CNTNAP5: variants seen among roughly 807,000 people sequenced by gnomAD.
CNTNAP5 encodes contactin associated protein family member 5.
In CNTNAP5, 72 loss-of-function variants were observed where a neutral mutation model predicts 150.2. The ratio of observed to expected loss-of-function variants is 0.48; its 90% CI spans 0.40 to 0.58. The LOEUF (loss-of-function observed/expected upper bound fraction) is 0.58. Ranked by LOEUF, CNTNAP5 falls within the 20% of genes least tolerant of loss-of-function variation. The pLI, the probability that CNTNAP5 is intolerant of heterozygous loss-of-function variation, is 0.00. For synonymous variants in CNTNAP5, 672 were observed against 619.8 expected, an observed-to-expected ratio of 1.08 and a Z score of -1.25; for missense variants, 1,636 against 1,626.2, an observed-to-expected ratio of 1.01 and a Z score of -0.10.
rs183689757 is a variant in CNTNAP5, at chr2:124,431,178, G to C, written c.530-3306G>C. Among the ~76,000 whole-genome samples, 4 of 152,240 alleles carry C rather than the reference G, an allele frequency of 2.6e-5. No individual in the cohort carries two copies. The East Asian group carries it at 7.7e-4, about 29-fold the overall frequency. On this transcript the variant is annotated intron_variant, in intron 4 of 23. Transcript: ENST00000682447. ...ACAACGTGGAGATGTGTTTTCTTAA[G>C]AGATAACCTATGTCCCTTTGCCATC...
chr2:124,723,474 T>TCAAA (rs1680091067), intron 13 of CNTNAP5, among the ~76,000 whole-genome samples: 2 of 152,180 alleles, frequency 1.3e-5, no homozygotes, highest in Non-Finnish European at 2.9e-5. Context: ...GTCTAGCCTT[T>TCAAA]GCATATTACC....
intron 1 of CNTNAP5, among the ~76,000 whole-genome samples, chr2:124,174,705 A>C (rs1685019540): frequency 6.6e-6 from 1 of 152,230 alleles, no homozygotes; most frequent in Non-Finnish European, 1.5e-5. Flanking sequence ...AATGACAGCA[A>C]AGAATTTAGA....
intron 1 of CNTNAP5, among the ~76,000 whole-genome samples, chr2:124,087,570 A>C (rs1682720129): frequency 6.6e-6 from 1 of 151,774 alleles, no homozygotes; most frequent in Admixed American, 6.6e-5. Context: ...AAAAATACAA[A>C]AATTAGCTGG....
At chr2:124,660,943 C>CAAA (rs34511096) in intron 13 of CNTNAP5, among the ~76,000 whole-genome samples, 1 of 104,158 alleles carries the variant, frequency 9.6e-6, no homozygotes, top group African/African-American at 3.6e-5. Context: ...GACTGGGTCT[C>CAAA]AAAAAAAAAA....
At chr2:124,836,891 G>T (rs1402996142) in intron 19 of CNTNAP5, among the ~76,000 whole-genome samples, 1 of 152,082 alleles carries the variant, frequency 6.6e-6, no homozygotes, top group Non-Finnish European at 1.5e-5. Flanking sequence ...TTGCAAATAT[G>T]AATTGCGAAT....
chr2:124,868,079 G>A (rs1281197339), intron 20 of CNTNAP5, among the ~76,000 whole-genome samples: 1 of 151,946 alleles, frequency 6.6e-6, no homozygotes, highest in Non-Finnish European at 1.5e-5. Context: ...AGCCACCCTT[G>A]CCCTTTGCTT....
At chr2:124,795,437 T>C (rs1054448480) in intron 18 of CNTNAP5, among the ~76,000 whole-genome samples, 1 of 152,184 alleles carries the variant, frequency 6.6e-6, no homozygotes, top group African/African-American at 2.4e-5. Flanking sequence ...TGGAAAATAT[T>C]GTCTCTGTCG....
chr2:124,914,278 A>G lies in CNTNAP5; in HGVS notation c.3914A>G (p.Tyr1305Cys). 6.2e-7 allele frequency: 1 copy of G among 1,609,992 alleles called. No homozygotes were observed. The highest frequency in any genetic ancestry group is 8.5e-7 in the Non-Finnish European group (1 of 1,177,296). The change falls in exon 24 of 24, where the codon TAT becomes TGT. Residue 1305 changes from tyrosine to cysteine, a missense_variant. Transcript: ENST00000682447. The stretch of plus-strand genomic sequence containing the variant: ...ACAGTGAGCGAGTGTAAACGGGAAT[A>G]TTTCATCTGAGAAACTGCAGGGTTC... ...QNTVSECKRE[Y>C]FI
At chr2:124,733,170 C>T (rs959582220) in intron 13 of CNTNAP5, among the ~76,000 whole-genome samples, 2 of 151,950 alleles carry the variant, frequency 1.3e-5, no homozygotes, top group Non-Finnish European at 2.9e-5. Context: ...ACACATAGCA[C>T]AGTAGGTAAT....
intron 12 of CNTNAP5, among the ~76,000 whole-genome samples, chr2:124,619,384 T>C (rs199927050): frequency 4.6e-5 from 7 of 152,122 alleles, no homozygotes; most frequent in Admixed American, 2.0e-4. Context: ...CAGTAACTAA[T>C]TGAAATCCGT....
intron 13 of CNTNAP5, among the ~76,000 whole-genome samples, chr2:124,698,673 G>A (rs1357206886): frequency 1.3e-5 from 2 of 152,064 alleles, no homozygotes; most frequent in African/African-American, 4.8e-5. Context: ...GTCGACACTG[G>A]CATTCCCATT....
chr2:124,316,958 T>C lies in CNTNAP5; in HGVS notation c.381+74565T>C, dbSNP rs946523828. ...AAAAACTGTATGAGGTAGGTACAGC[T>C]ACTCAATTTTATATCTGAAACTCAG... On this transcript the variant is annotated intron_variant, in intron 3 of 23. Transcript: ENST00000682447. 6.6e-5 allele frequency among the ~76,000 whole-genome samples: 10 copies of C among 152,118 alleles called. No individual in the cohort carries two copies. In the East Asian group the frequency reaches 1.9e-3, roughly 29 times the overall value.
intron 10 of CNTNAP5, among the ~76,000 whole-genome samples, chr2:124,558,926 A>C (rs1695823934): frequency 6.6e-6 from 1 of 152,236 alleles, no homozygotes; most frequent in South Asian, 2.1e-4. Context: ...TAGTCTACCT[A>C]GTGGCTCAAT....
chr2:124,639,047 T>C (rs1021531878), intron 12 of CNTNAP5, among the ~76,000 whole-genome samples: 9 of 152,226 alleles, frequency 5.9e-5, no homozygotes, highest in Non-Finnish European at 1.3e-4. Context: ...TTCATGCTGA[T>C]TTCAAAAGCT....
chr2:124,581,332 A>G (rs1362064630), intron 11 of CNTNAP5, among the ~76,000 whole-genome samples: 1 of 152,186 alleles, frequency 6.6e-6, no homozygotes, highest in Non-Finnish European at 1.5e-5. Flanking sequence ...AAGTTGAAAT[A>G]ATGCCTTTGT....
Position 124,330,917 on chromosome 2 carries a change from T to C in CNTNAP5, c.382-86526T>C, listed in dbSNP as rs115368713. On this transcript the variant is annotated intron_variant, in intron 3 of 23. Transcript: ENST00000682447. ...CGTTTCAAACAAAATTCATAAAAAT[T>C]ATAACCTCTCATTAGTTTAGTTCCT... 5.1e-3 allele frequency among the ~76,000 whole-genome samples: 784 copies of C among 152,248 alleles called. 10 individuals are homozygous for C. The highest frequency in any genetic ancestry group is 0.018 in the African/African-American group (754 of 41,554).
At chr2:124,792,973 C>A (rs557153134) in intron 18 of CNTNAP5, among the ~76,000 whole-genome samples, 1 of 152,290 alleles carries the variant, frequency 6.6e-6, no homozygotes, top group South Asian at 2.1e-4. Context: ...ATTTCTTTGG[C>A]TATTATACAT....
chr2:124,494,854 G>A (rs1214489521), intron 7 of CNTNAP5, among the ~76,000 whole-genome samples: 2 of 151,948 alleles, frequency 1.3e-5, no homozygotes, highest in African/African-American at 2.4e-5. Flanking sequence ...GAATATTTTT[G>A]TCATGAAAGC....
intron 3 of CNTNAP5, among the ~76,000 whole-genome samples, chr2:124,361,826 G>A (rs1690208618): frequency 1.3e-5 from 2 of 152,262 alleles, no homozygotes; most frequent in Admixed American, 1.3e-4. Flanking sequence ...TTGAGCTGTG[G>A]TGAGCTCCAC....
Sources: gnomAD v4.1 joint callset for allele counts (sites outside exome capture counted in the v4.1 genomes callset) on GRCh38, gnomAD v4.1.1 for gene constraint, MANE v1.5 for transcripts, NCBI Gene and HGNC (gene_info 2026-07-23, HGNC 2026-07-21) for gene names.